MICAL2: variants seen among roughly 807,000 people sequenced by gnomAD.
MICAL2 encodes the protein microtubule associated monooxygenase, calponin and LIM domain containing 2, also known as [F-actin]-monooxygenase MICAL2.
A neutral mutation model predicts 127.3 loss-of-function variants in MICAL2; 77 were observed. That is an observed-to-expected ratio of 0.60 (90% CI 0.50 to 0.73). MICAL2 has a LOEUF of 0.73. Ranked by LOEUF, MICAL2 falls within the 30% of genes least tolerant of loss-of-function variation. The pLI, the probability that MICAL2 is intolerant of heterozygous loss-of-function variation, is 0.00. For synonymous variants in MICAL2, 570 were observed against 551.1 expected, an observed-to-expected ratio of 1.03 and a Z score of -0.48; for missense variants, 1,351 against 1,434.4, an observed-to-expected ratio of 0.94 and a Z score of 0.94.
chr11:12,357,900 T>A (rs1472541941), intron 34 of MICAL2, among the ~76,000 whole-genome samples: 1 of 152,086 alleles, frequency 6.6e-6, no homozygotes, highest in East Asian at 1.9e-4. Context: ...GTGCAGGTGG[T>A]TTACTTAGAA....
chr11:12,197,656 C>T (rs17477949), intron 3 of MICAL2: 44,866 of 152,160 alleles, frequency 0.29, 8,134 homozygotes, highest in Middle Eastern at 0.41. Context: ...GAGACCCAAC[C>T]GCTACCCAGA....
intron 1 of MICAL2, among the ~76,000 whole-genome samples, chr11:12,130,048 T>C (rs1217241538): frequency 6.6e-6 from 1 of 152,196 alleles, no homozygotes; most frequent in Non-Finnish European, 1.5e-5. Context: ...TTCCCAGGTC[T>C]TGTTACTCCC....
chr11:12,242,260 A>C lies in MICAL2; in HGVS notation c.2384A>C (p.Gln795Pro). Residue 795 changes from glutamine to proline, a missense_variant, in exon 19 of 28, where the codon CAA becomes CCA. By Grantham distance (76) the Gln-to-Pro change is moderately conservative. This residue lies in a region of MICAL2 where 752 missense variants were observed against 719.4 expected (regional missense o/e 1.05). Coordinates refer to ENST00000683283, the MANE Select transcript of MICAL2 (RefSeq NM_001282663.2). Reference sequence around the variant, plus strand: ...GGGCACGTGCTCAGAGAGCTCAAGCAAGTGTCTGCTGGCAGTGAGTGCCTG... The same window carrying C: ...GGGCACGTGCTCAGAGAGCTCAAGCCAGTGTCTGCTGGCAGTGAGTGCCTG... ...VTGHVLRELK[Q>P]VSAGSECLSR... The C allele has an allele frequency of 6.2e-7, 1 of 1,613,644 alleles. No individual in the cohort carries two copies. Among genetic ancestry groups the C allele is most frequent in the Non-Finnish European group, 8.5e-7 (1 of 1,179,628 alleles).
At chr11:12,236,990 T>G (rs1158179543) in intron 16 of MICAL2, among the ~76,000 whole-genome samples, 1 of 152,232 alleles carries the variant, frequency 6.6e-6, no homozygotes, top group Non-Finnish European at 1.5e-5. Context: ...CATTGATATC[T>G]GATTGATAGG....
intron 32 of MICAL2, among the ~76,000 whole-genome samples, chr11:12,342,854 G>T (rs532987607): frequency 1.2e-4 from 19 of 152,276 alleles, no homozygotes; most frequent in African/African-American, 4.6e-4. Flanking sequence ...CTTTCACTTT[G>T]CTCTATTGCA....
chr11:12,152,248 A>C (rs552217865), intron 2 of MICAL2, among the ~76,000 whole-genome samples: 2 of 142,072 alleles, frequency 1.4e-5, no homozygotes, highest in African/African-American at 5.2e-5. Context: ...CAGTAAGCCA[A>C]GATTGCACCA....
chr11:12,210,617 C>T (rs1442578280), intron 6 of MICAL2, among the ~76,000 whole-genome samples: 1 of 152,154 alleles, frequency 6.6e-6, no homozygotes, highest in African/African-American at 2.4e-5. Flanking sequence ...GTTTAAGCTG[C>T]CAACTTGGAT....
chr11:12,168,946 C>CAAAAAA (rs66469229), intron 3 of MICAL2, among the ~76,000 whole-genome samples: 12 of 115,190 alleles, frequency 1.0e-4, no homozygotes, highest in African/African-American at 3.5e-4. Context: ...GATCCTGTCT[C>CAAAAAA]AAAAAAAAAA....
downstream of MICAL2, among the ~76,000 whole-genome samples, chr11:12,289,959 G>T (rs1446010428): frequency 6.6e-6 from 1 of 152,218 alleles, no homozygotes; most frequent in Non-Finnish European, 1.5e-5. Context: ...GGAGACAGGG[G>T]TTAAGTAACT....
intron 1 of MICAL2, among the ~76,000 whole-genome samples, chr11:12,113,629 G>A (rs187776739): frequency 1.1e-4 from 17 of 152,316 alleles, no homozygotes; most frequent in African/African-American, 4.1e-4. Flanking sequence ...TGAGAGAGAC[G>A]GAGACCACAT....
chr11:12,209,467 C>A (rs1480917331), intron 5 of MICAL2, 30 bp from the exon 6 acceptor site: 1 of 1,551,562 alleles, frequency 6.4e-7, no homozygotes, highest in African/African-American at 1.4e-5. Context: ...CCTCTCTCTG[C>A]CAACTCATCT....
intron 32 of MICAL2, among the ~76,000 whole-genome samples, chr11:12,330,029 C>A (rs973990123): frequency 6.6e-6 from 1 of 152,056 alleles, no homozygotes; most frequent in East Asian, 1.9e-4. Context: ...AGTTTATGGG[C>A]CTTTTTCCCA....
At position 12,241,107 on chromosome 11, in the gene MICAL2, G is replaced by C; in HGVS notation, c.2282G>C (p.Cys761Ser). The change falls in exon 18 of 28, where the codon TGC becomes TCC. Residue 761 changes from cysteine (C) to serine (S), a missense_variant. This residue lies in a region of MICAL2 where 752 missense variants were observed against 719.4 expected (regional missense o/e 1.05). Transcript: ENST00000683283. ...CSSSGPPVHS[C>S]CPKPEEATPS... ...TCCTCCGGCCCTCCTGTTCACTCTT[G>C]CTGCCCCAAGCCGGAGGAGGCCACA... The C allele has an allele frequency of 6.2e-7, 1 of 1,614,068 alleles. No individual in the cohort carries two copies. The highest frequency in any genetic ancestry group is 8.5e-7 in the Non-Finnish European group (1 of 1,180,026).
chr11:12,331,514 G>A (rs986200392), intron 32 of MICAL2, among the ~76,000 whole-genome samples: 4 of 152,076 alleles, frequency 2.6e-5, no homozygotes, highest in Non-Finnish European at 5.9e-5. Flanking sequence ...AAATGCTAGC[G>A]AAAGCCTCTC....
rs1298383244 is a variant in MICAL2 at position 12,256,925 on chromosome 11, T to G, written c.3096T>G (p.Cys1032Trp). The change falls in exon 24 of 28, where the codon TGT (cysteine) becomes TGG (tryptophan). Residue 1032 changes from cysteine to tryptophan, a missense_variant. This residue lies in a region of MICAL2 where 752 missense variants were observed against 719.4 expected (regional missense o/e 1.05). Transcript: ENST00000683283. Reference protein sequence around the residue: ...FHRECFRCSICATTLRLAAYT... With the variant: ...FHRECFRCSIWATTLRLAAYT... ...GGGAGTGTTTCCGCTGCAGCATCTG[T>G]GCCACCACCTTGCGCCTGGCCGCCT... 1.2e-6 allele frequency: 2 copies of G among 1,614,164 alleles called. No homozygotes were observed. Among genetic ancestry groups the G allele is most frequent in the South Asian group, 2.2e-5 (2 of 91,078 alleles).
intron 1 of MICAL2, among the ~76,000 whole-genome samples, chr11:12,120,145 T>TC (rs1850387064): frequency 1.3e-5 from 2 of 152,170 alleles, no homozygotes; most frequent in South Asian, 4.1e-4. Context: ...CATGAACACC[T>TC]CCCCCAGAGC....
chr11:12,317,689 G>T (rs1372537314), intron 29 of MICAL2, among the ~76,000 whole-genome samples: 2 of 152,116 alleles, frequency 1.3e-5, no homozygotes, highest in Non-Finnish European at 2.9e-5. Flanking sequence ...CTACTCAGGA[G>T]GCTGAGGCAG....
At chr11:12,293,773 C>A, downstream of MICAL2, 1 of 1,613,318 alleles carries the variant, frequency 6.2e-7, no homozygotes, top group South Asian at 1.1e-5. Flanking sequence ...CTGATGAGTG[C>A]CAGCCAGCAG....
intron 12 of MICAL2, 91 bp from the exon 13 acceptor site, chr11:12,224,582 C>T (rs1165715646): frequency 5.9e-6 from 9 of 1,529,422 alleles, no homozygotes; most frequent in Non-Finnish European, 8.0e-6. Context: ...TCGTCCTGGT[C>T]CCCAGCCATG....
Sources: gnomAD v4.1 joint callset for allele counts (sites outside exome capture counted in the v4.1 genomes callset) on GRCh38, gnomAD v4.1.1 for gene constraint, gnomAD v4.1.1 regional missense constraint, MANE v1.5 for transcripts, NCBI Gene and HGNC (gene_info 2026-07-23, HGNC 2026-07-21) for gene names.